ARHGEF10L: variants seen among roughly 807,000 people sequenced by gnomAD.
ARHGEF10L encodes the protein rho guanine nucleotide exchange factor 10-like protein.
A neutral mutation model predicts 141.2 loss-of-function variants in ARHGEF10L; 69 were observed. The ratio of observed to expected loss-of-function variants is 0.49; its 90% CI spans 0.40 to 0.60. The LOEUF (loss-of-function observed/expected upper bound fraction) is 0.60, where lower values mean the gene tolerates loss of function less well. Ranked by LOEUF, ARHGEF10L falls within the 20% of genes least tolerant of loss-of-function variation. ARHGEF10L has a pLI of 0.00. For missense variants in ARHGEF10L, 1,482 were observed against 1,734.3 expected, an observed-to-expected ratio of 0.85 and a Z score of 2.58; for synonymous variants, 711 against 718.5, an observed-to-expected ratio of 0.99 and a Z score of 0.17.
chr1:17,602,095 G>T, intron 4 of ARHGEF10L, 32 bp from the exon 5 acceptor site: 27 of 1,520,124 alleles, frequency 1.8e-5, no homozygotes, highest in Non-Finnish European at 2.4e-5. Context: ...GCCACCTCTG[G>T]ACACCTCTGC....
At position 17,623,192 on chromosome 1, in the gene ARHGEF10L, T is replaced by C. The variant is rs781070130; in HGVS notation, c.1200+17T>C. On this transcript the variant is annotated intron_variant, in intron 12 of 28. Coordinates refer to ENST00000361221, the MANE Select transcript of ARHGEF10L (RefSeq NM_018125.4). The surrounding 1 kb of genome is among the most constrained non-coding windows in gnomAD (Gnocchi z 4.7). The stretch of plus-strand genomic sequence containing the variant: ...GTGGCCTCGGTAAGTGTCCCCAAAC[T>C]TTTTCCCCAGCCCACCAAGGTAAAA... The C allele has an allele frequency of 2.5e-6, 4 of 1,607,176 alleles. No homozygotes were observed. The South Asian group carries it at 4.4e-5, about 18-fold the overall frequency.
At chr1:17,620,474 G>GTCCT (rs914949298) in intron 10 of ARHGEF10L, among the ~76,000 whole-genome samples, 1 of 152,232 alleles carries the variant, frequency 6.6e-6, no homozygotes, top group Non-Finnish European at 1.5e-5. Context: ...GGCCCCAGAT[G>GTCCT]TCCTTGTGCT....
chr1:17,542,684 T>C (rs2477735), intron 1 of ARHGEF10L, among the ~76,000 whole-genome samples: 12,216 of 152,248 alleles, frequency 0.08, 560 homozygotes, highest in African/African-American at 0.11. Flanking sequence ...ATTTATATTG[T>C]ACTTTCATAT....
chr1:17,602,293 G>A, intron 5 of ARHGEF10L, 75 bp downstream of exon 5: 2 of 1,490,226 alleles, frequency 1.3e-6, no homozygotes, highest in East Asian at 2.5e-5. Context: ...TAACCCAAGA[G>A]AGCTGATGTG....
intron 2 of ARHGEF10L, among the ~76,000 whole-genome samples, chr1:17,587,119 G>A (rs1254222884): frequency 1.3e-5 from 2 of 152,160 alleles, no homozygotes; most frequent in Non-Finnish European, 2.9e-5. Context: ...TTGTGCTCAC[G>A]CATAAACACA....
chr1:17,516,930 G>A, the ARHGEF10L span, among the ~76,000 whole-genome samples: 23 of 152,304 alleles, frequency 1.5e-4, no homozygotes, highest in Non-Finnish European at 2.6e-4. Flanking sequence ...CCTGGTGGAC[G>A]CTGTTCTAGG....
intron 1 of ARHGEF10L, among the ~76,000 whole-genome samples, chr1:17,552,593 T>G (rs1358882514): frequency 7.5e-6 from 1 of 133,126 alleles, no homozygotes; most frequent in Non-Finnish European, 1.7e-5. Context: ...TTTTTTTTTT[T>G]TTTTTTTTTT....
At chr1:17,651,589 G>A (rs938703896) in intron 22 of ARHGEF10L, among the ~76,000 whole-genome samples, 2 of 152,104 alleles carry the variant, frequency 1.3e-5, no homozygotes, top group Admixed American at 1.3e-4. Flanking sequence ...TGCCTCCAAG[G>A]CCTCCCCAAA....
chr1:17,583,051 C>CA (rs1364847243), intron 2 of ARHGEF10L, among the ~76,000 whole-genome samples: 3 of 98,396 alleles, frequency 3.0e-5, no homozygotes, highest in African/African-American at 1.5e-4. Flanking sequence ...CCTGTCTCTA[C>CA]AAAAAATGAA....
chr1:17,557,985 G>A (rs562421936), intron 1 of ARHGEF10L, among the ~76,000 whole-genome samples: 2 of 152,204 alleles, frequency 1.3e-5, no homozygotes, highest in African/African-American at 4.8e-5. Flanking sequence ...ACATTCTCCT[G>A]TCATCCATCG....
Position 17,607,702 on chromosome 1 carries a change from C to T in ARHGEF10L, c.434-100C>T, listed in dbSNP as rs2081303725. The T allele has an allele frequency of 7.9e-7, 1 of 1,266,656 alleles. No homozygotes were observed. Among genetic ancestry groups the T allele is most frequent in the African/African-American group, 1.6e-5 (1 of 63,574 alleles). The allele number at this position is 1,266,656 out of a possible 1,614,324, so 78.5% of individuals were successfully genotyped here. On this transcript the variant is annotated intron_variant, in intron 6 of 28. Transcript: ENST00000361221. This position sits in a 1 kb window ranked among gnomAD's most constrained non-coding sequence, Gnocchi z 4.5. ...CAGGGCCCCCATGTTCTCCCTGACC[C>T]CCCCTCGCCCCACCTGGGTTCAGAA...
At position 17,687,798 on chromosome 1, in the gene ARHGEF10L, C is replaced by T. The variant is rs373110644; in HGVS notation, c.3184+51C>T. ...GCGGACAGTCACAGAGCACCTTCCA[C>T]GGCCAGGTAGTGGTGTGACCTGGGC... On this transcript the variant is annotated intron_variant, in intron 27 of 28. Coordinates refer to ENST00000361221, the MANE Select transcript of ARHGEF10L (RefSeq NM_018125.4). 4.6e-4 allele frequency: 694 copies of T among 1,522,274 alleles called. 5 individuals carry two copies. Among genetic ancestry groups the T allele is most frequent in the East Asian group, 2.6e-3 (112 of 43,340 alleles). 94.3% of individuals were successfully genotyped at this position (1,522,274 alleles called of 1,614,324 possible).
intron 27 of ARHGEF10L, among the ~76,000 whole-genome samples, chr1:17,692,521 T>C (rs11203436): frequency 0.82 from 125,308 of 152,038 alleles, 51,774 homozygotes; most frequent in South Asian, 0.9. Context: ...TTCCTTCCTC[T>C]GCTCCACCTC....
chr1:17,645,999 G>A (rs2061575877), intron 21 of ARHGEF10L, among the ~76,000 whole-genome samples: 1 of 152,174 alleles, frequency 6.6e-6, no homozygotes, highest in African/African-American at 2.4e-5. Context: ...GCAGGGATCA[G>A]GTCTTACATG....
chr1:17,676,495 T>A (rs529251137), intron 26 of ARHGEF10L, among the ~76,000 whole-genome samples: 1 of 151,892 alleles, frequency 6.6e-6, no homozygotes, highest in Non-Finnish European at 1.5e-5. Flanking sequence ...ATTCCACCAT[T>A]CAATATCATG....
At chr1:17,626,121 G>A (rs1289970515) in intron 14 of ARHGEF10L, 73 bp downstream of exon 14, 10 of 1,350,860 alleles carry the variant, frequency 7.4e-6, no homozygotes, top group African/African-American at 1.4e-5. Context: ...CCTGGGGTAG[G>A]AGGGAGGAGG....
At chr1:17,626,555 A>T (rs1018930444) in intron 14 of ARHGEF10L, among the ~76,000 whole-genome samples, 1 of 152,162 alleles carries the variant, frequency 6.6e-6, no homozygotes, top group Non-Finnish European at 1.5e-5. Flanking sequence ...GCACATTGCT[A>T]TCCACTCTCA....
intron 26 of ARHGEF10L, among the ~76,000 whole-genome samples, chr1:17,671,116 G>A (rs2063291083): frequency 6.6e-6 from 1 of 152,376 alleles, no homozygotes; most frequent in South Asian, 2.1e-4. Flanking sequence ...TCCCAGGGCC[G>A]GGCACGGCGC....
rs528306219 is a variant in ARHGEF10L, at chr1:17,692,861, C to T, written c.3185-2297C>T. ...GGTGCACTGGCTTCACTCTGCTCGG[C>T]GGACTGGATGAGCTCATTCCTGTCA... On this transcript the variant is annotated intron_variant, in intron 27 of 28. Coordinates refer to ENST00000361221, the MANE Select transcript of ARHGEF10L (RefSeq NM_018125.4). Among the ~76,000 whole-genome samples, 61 of 152,346 alleles carry T rather than the reference C, an allele frequency of 4.0e-4. 1 individual carries two copies. Among genetic ancestry groups the T allele is most frequent in the African/African-American group, 1.3e-3 (52 of 41,584 alleles).
Sources: allele counts gnomAD v4.1 joint callset (sites outside exome capture counted in the v4.1 genomes callset), GRCh38; gene constraint gnomAD v4.1.1; non-coding constraint Gnocchi (gnomAD v3.1); transcripts MANE v1.5; gene names NCBI Gene and HGNC (gene_info 2026-07-23, HGNC 2026-07-21).